Variants in PDE7A observed in about 807,000 individuals in gnomAD.
The protein encoded by PDE7A is phosphodiesterase 7A, also known as high affinity 3',5'-cyclic-AMP phosphodiesterase 7A.
A neutral mutation model predicts 64.3 loss-of-function variants in PDE7A; 39 were observed. That is an observed-to-expected ratio of 0.61 (90% CI 0.47 to 0.79). The LOEUF (loss-of-function observed/expected upper bound fraction) is 0.79, where lower values mean the gene tolerates loss of function less well. PDE7A is among the 30% of genes least tolerant of loss of function. The probability of loss-of-function intolerance (pLI) is 0.00; values close to 1 mark genes in which losing one functional copy is unlikely to be tolerated. For missense variants in PDE7A, 470 were observed against 582.8 expected, an observed-to-expected ratio of 0.81 and a Z score of 1.99; for synonymous variants, 203 against 206.8, an observed-to-expected ratio of 0.98 and a Z score of 0.16.
intron 6 of PDE7A, among the ~76,000 whole-genome samples, chr8:65,739,047 C>T (rs1042857827): frequency 1.3e-5 from 2 of 152,238 alleles, no homozygotes; most frequent in African/African-American, 4.8e-5. Flanking sequence ...ATTCTGAGCC[C>T]AGGGCTCCAG....
chr8:65,835,582 T>C (rs1043201264), intron 1 of PDE7A, among the ~76,000 whole-genome samples: 2 of 152,086 alleles, frequency 1.3e-5, no homozygotes, highest in Non-Finnish European at 2.9e-5. Context: ...CTATAACTGC[T>C]CTGGTCAATA....
intron 1 of PDE7A, among the ~76,000 whole-genome samples, chr8:65,808,126 C>G (rs1810154491): frequency 6.6e-6 from 1 of 152,132 alleles, no homozygotes; most frequent in Non-Finnish European, 1.5e-5. Context: ...ACTATTTAAT[C>G]TCTATTGAAG....
intron 1 of PDE7A, among the ~76,000 whole-genome samples, chr8:65,797,674 T>C (rs1809876087): frequency 6.6e-6 from 1 of 152,206 alleles, no homozygotes; most frequent in Admixed American, 6.5e-5. Flanking sequence ...ATAAATTCAA[T>C]GCAGTCTCAA....
At chr8:65,756,272 C>T (rs1169806324) in intron 3 of PDE7A, among the ~76,000 whole-genome samples, 3 of 152,106 alleles carry the variant, frequency 2.0e-5, no homozygotes, top group Middle Eastern at 3.2e-3. Context: ...TGGAATTTAC[C>T]GAGCTTCTTG....
chr8:65,814,282 C>T (rs900839328), intron 1 of PDE7A, among the ~76,000 whole-genome samples: 24 of 151,432 alleles, frequency 1.6e-4, no homozygotes, highest in African/African-American at 5.6e-4. Flanking sequence ...GAGGCCGAGG[C>T]GGGCGGATCA....
intron 1 of PDE7A, among the ~76,000 whole-genome samples, chr8:65,826,747 T>A (rs985901181): frequency 6.6e-6 from 1 of 152,138 alleles, no homozygotes; most frequent in Non-Finnish European, 1.5e-5. Flanking sequence ...ACAAATCGGG[T>A]GGCTTAAAAC....
intron 7 of PDE7A, chr8:65,728,193 CAG>C (rs1185185976): frequency 3.3e-5 from 5 of 152,126 alleles, no homozygotes; most frequent in African/African-American, 1.2e-4. Context: ...TGTGCTCTAA[CAG>C]TGAAAATTTT....
At chr8:65,826,344 A>C (rs566910459) in intron 1 of PDE7A, among the ~76,000 whole-genome samples, 11 of 152,328 alleles carry the variant, frequency 7.2e-5, no homozygotes, top group African/African-American at 2.6e-4. Flanking sequence ...TATGCTTTGA[A>C]CTAGGTAGGA....
chr8:65,787,787 G>C (rs1342667722), intron 1 of PDE7A, among the ~76,000 whole-genome samples: 1 of 148,488 alleles, frequency 6.7e-6, no homozygotes, highest in Non-Finnish European at 1.5e-5. Context: ...TACAGGGGGG[G>C]GAAAAAAAAA....
chr8:65,814,570 C>T (rs116959406), intron 1 of PDE7A, among the ~76,000 whole-genome samples: 9,425 of 125,082 alleles, frequency 0.075, 377 homozygotes, highest in Middle Eastern at 0.12. Context: ...AATACGTACA[C>T]ATATAATACA....
chr8:65,721,933 C>T (rs1182892378), intron 12 of PDE7A: 1 of 151,804 alleles, frequency 6.6e-6, no homozygotes, highest in African/African-American at 2.4e-5. Context: ...CTCAGCCTCC[C>T]AAGTGGCCAT....
chr8:65,729,486 TGGA>T (rs1294430211), intron 7 of PDE7A, among the ~76,000 whole-genome samples: 2 of 151,026 alleles, frequency 1.3e-5, no homozygotes, highest in Non-Finnish European at 2.9e-5. Context: ...GGCACTATCA[TGGA>T]GGAGAGCAGT....
chr8:65,759,284 A>C (rs568958377), intron 3 of PDE7A, among the ~76,000 whole-genome samples: 1 of 152,328 alleles, frequency 6.6e-6, no homozygotes, highest in South Asian at 2.1e-4. Context: ...TCAGGACAGT[A>C]CTATCTCCTT....
chr8:65,813,292 C>T (rs987309353), intron 1 of PDE7A, among the ~76,000 whole-genome samples: 2 of 152,092 alleles, frequency 1.3e-5, no homozygotes, highest in African/African-American at 4.8e-5. Flanking sequence ...AGAATATTTA[C>T]TGCAGCACTG....
At chr8:65,739,454 T>A (rs369688593) in intron 6 of PDE7A, 48 bp downstream of exon 6, 40 of 1,503,452 alleles carry the variant, frequency 2.7e-5, no homozygotes, top group Admixed American at 1.0e-4. Context: ...AAACAGGTTC[T>A]TGTATAAATG....
intron 1 of PDE7A, among the ~76,000 whole-genome samples, chr8:65,837,685 T>C (rs576102192): frequency 3.3e-5 from 5 of 152,348 alleles, no homozygotes; most frequent in Admixed American, 6.5e-5. Context: ...TTTCTGACTC[T>C]GAATTTATAT....
At chr8:65,832,599 C>T (rs1309909014) in intron 1 of PDE7A, among the ~76,000 whole-genome samples, 2 of 152,160 alleles carry the variant, frequency 1.3e-5, no homozygotes, top group South Asian at 2.1e-4. Context: ...ATCCTCCCAC[C>T]ACAGCCTCCA....
At position 65,734,985 on chromosome 8, in the gene PDE7A, C is replaced by T. The variant is rs1807063872; in HGVS notation, c.596-91G>A. ...GATAATTATGAGTTACCCACTCATA[C>T]TTTTCATGTAGCTATCGGCTAAAAT... On this transcript the variant is annotated intron_variant, in intron 6 of 12. Coordinates refer to ENST00000401827, the MANE Select transcript of PDE7A (RefSeq NM_001242318.3). 13 of 802,044 alleles carry T rather than the reference C, an allele frequency of 1.6e-5. 1 individual carries two copies. In the South Asian group the frequency reaches 1.8e-4, roughly 11 times the overall value. 49.7% of individuals were successfully genotyped at this position (802,044 alleles called of 1,614,324 possible).
chr8:65,758,430 T>C (rs2128912785), intron 3 of PDE7A, among the ~76,000 whole-genome samples: 1 of 152,330 alleles, frequency 6.6e-6, no homozygotes, highest in Non-Finnish European at 1.5e-5. Flanking sequence ...ACAGTTGTTA[T>C]ACTAGTGCAC....
Sources: allele counts gnomAD v4.1 joint callset (sites outside exome capture counted in the v4.1 genomes callset), GRCh38; gene constraint gnomAD v4.1.1; transcripts MANE v1.5; gene names NCBI Gene and HGNC (gene_info 2026-07-23, HGNC 2026-07-21).